The following ARHGEF4 variants were observed in gnomAD, a reference collection of about 807,000 sequenced individuals.
ARHGEF4 encodes APC-stimulated guanine nucleotide exchange factor 1.
In ARHGEF4, 119 loss-of-function variants were observed where a neutral mutation model predicts 162.0. That is an observed-to-expected ratio of 0.73 (90% CI 0.63 to 0.86). The LOEUF (loss-of-function observed/expected upper bound fraction) is 0.86. Ranked by LOEUF, ARHGEF4 falls within the 40% of genes least tolerant of loss-of-function variation. The pLI, the probability that ARHGEF4 is intolerant of heterozygous loss-of-function variation, is 0.00. For missense variants in ARHGEF4, 2,488 were observed against 2,456.0 expected, an observed-to-expected ratio of 1.01 and a Z score of -0.28; for synonymous variants, 1,014 against 979.9, an observed-to-expected ratio of 1.03 and a Z score of -0.65.
Position 131,006,595 on chromosome 2 carries a change from A to G in ARHGEF4, c.3986-21350A>G, listed in dbSNP as rs572793606. On this transcript the variant is annotated intron_variant, in intron 4 of 13. Transcript: ENST00000409359. The stretch of plus-strand genomic sequence containing the variant: ...GGGAGCTAATTTGCATTTTAATGCT[A>G]GATTCTCACCATTTTCCCAAACAGG... Among the ~76,000 whole-genome samples, 5 of 152,336 alleles carry G rather than the reference A, an allele frequency of 3.3e-5. No individual in the cohort carries two copies. The East Asian group carries it at 7.7e-4, about 23-fold the overall frequency.
At position 131,043,731 on chromosome 2, in the gene ARHGEF4, T is replaced by C; in HGVS notation, c.5157+148T>C. 2.4e-6 allele frequency: 2 copies of C among 845,240 alleles called. 1 individual carries two copies. The highest frequency in any genetic ancestry group is 3.2e-6 in the Non-Finnish European group (2 of 621,978). 52.4% of individuals were successfully genotyped at this position (845,240 alleles called of 1,614,324 possible). A position where few individuals can be genotyped will look rare whatever the true frequency, so the allele number is the denominator to read the frequency against. On this transcript the variant is annotated intron_variant, in intron 11 of 13. Transcript: ENST00000409359. ...ACCCTTGGGGCTGGGATGGGGTGGC[T>C]CTCTGCAGGTGAGCCTGGTGGCCCA...
intron 1 of ARHGEF4, among the ~76,000 whole-genome samples, chr2:130,876,789 A>G (rs1391553774): frequency 6.6e-6 from 1 of 152,178 alleles, no homozygotes; most frequent in Non-Finnish European, 1.5e-5. Flanking sequence ...AGCTAACTAG[A>G]GGGGAAGGTG....
intron 2 of ARHGEF4, among the ~76,000 whole-genome samples, chr2:130,920,099 TTC>T (rs1176516801): frequency 6.6e-6 from 1 of 151,916 alleles, no homozygotes; most frequent in Non-Finnish European, 1.5e-5. Context: ...GTGTGTGTCT[TTC>T]TGTTTGTTTT....
At position 131,027,178 on chromosome 2, in the gene ARHGEF4, A is replaced by G. The variant is rs74978985; in HGVS notation, c.3986-767A>G. ...ACCCTGCTCCAGCAGTACAGCCAAC[A>G]CACAAAATGTGAAAGACTCGTACAA... On this transcript the variant is annotated intron_variant, in intron 4 of 13. Coordinates refer to ENST00000409359, the MANE Select transcript of ARHGEF4 (RefSeq NM_001367493.1). Among the ~76,000 whole-genome samples, 31 of 152,310 alleles carry G rather than the reference A, an allele frequency of 2.0e-4. No individual in the cohort carries two copies. The East Asian group carries it at 5.8e-3, about 28-fold the overall frequency.
chr2:130,972,742 T>C (rs569354748), intron 4 of ARHGEF4, among the ~76,000 whole-genome samples: 1 of 152,324 alleles, frequency 6.6e-6, no homozygotes. Context: ...TTACTGATAA[T>C]TTTCAAAAGT....
intron 1 of ARHGEF4, among the ~76,000 whole-genome samples, chr2:130,849,435 A>C (rs1346662400): frequency 6.6e-6 from 1 of 152,114 alleles, no homozygotes; most frequent in Non-Finnish European, 1.5e-5. Flanking sequence ...GTGGGATGGC[A>C]GCCATTTTGC....
chr2:130,841,176 T>A (rs189722646), intron 1 of ARHGEF4, among the ~76,000 whole-genome samples: 14 of 152,202 alleles, frequency 9.2e-5, no homozygotes, highest in Admixed American at 6.5e-4. Flanking sequence ...GCAGTTCTCC[T>A]ACCTCAGCCT....
At chr2:130,838,368 G>C (rs1000484150) in intron 1 of ARHGEF4, among the ~76,000 whole-genome samples, 3 of 151,758 alleles carry the variant, frequency 2.0e-5, no homozygotes, top group African/African-American at 7.3e-5. Context: ...TTGGGAGGCC[G>C]AGTGGGGGGG....
intron 1 of ARHGEF4, among the ~76,000 whole-genome samples, chr2:130,839,180 G>A (rs1017940440): frequency 1.2e-4 from 18 of 152,108 alleles, no homozygotes; most frequent in Admixed American, 9.8e-4. Context: ...CACCGACAAC[G>A]TAGTTCATAC....
intron 1 of ARHGEF4, among the ~76,000 whole-genome samples, chr2:130,885,532 A>G (rs1292492243): frequency 1.4e-5 from 2 of 143,592 alleles, no homozygotes; most frequent in South Asian, 2.2e-4. Context: ...GTGAGGGCAT[A>G]TTCAAACCAT....
At chr2:130,850,102 G>A (rs893105410) in intron 1 of ARHGEF4, among the ~76,000 whole-genome samples, 4 of 152,130 alleles carry the variant, frequency 2.6e-5, no homozygotes, top group Admixed American at 2.6e-4. Context: ...CTACTGCTGG[G>A]TCAACCTCCT....
chr2:130,935,591 A>G (rs1471906768), intron 3 of ARHGEF4, among the ~76,000 whole-genome samples: 1 of 152,198 alleles, frequency 6.6e-6, no homozygotes, highest in African/African-American at 2.4e-5. Flanking sequence ...TTCATCTCAC[A>G]GTATTTTCTA....
Position 130,919,646 on chromosome 2 carries a change from C to T in ARHGEF4, c.3552+2148C>T, listed in dbSNP as rs191081145. 4.6e-5 allele frequency among the ~76,000 whole-genome samples: 7 copies of T among 152,210 alleles called. No homozygotes were observed. The East Asian group carries it at 5.8e-4, about 13-fold the overall frequency. ...ATCCCAGCACTTTGGGAGGCCGAAGCGGGCGGATCACCTGAGGTCAGAAGT... is the reference window on the plus strand; with the variant it reads ...ATCCCAGCACTTTGGGAGGCCGAAGTGGGCGGATCACCTGAGGTCAGAAGT... On this transcript the variant is annotated intron_variant, in intron 2 of 13. Coordinates refer to ENST00000409359, the MANE Select transcript of ARHGEF4 (RefSeq NM_001367493.1).
At chr2:130,933,407 G>A (rs1682757737) in intron 3 of ARHGEF4, among the ~76,000 whole-genome samples, 1 of 152,020 alleles carries the variant, frequency 6.6e-6, no homozygotes, top group Non-Finnish European at 1.5e-5. Context: ...TTGGCTTTTT[G>A]TTGGACCTTG....
chr2:130,919,064 C>T (rs959172754), intron 2 of ARHGEF4, among the ~76,000 whole-genome samples: 2 of 152,182 alleles, frequency 1.3e-5, no homozygotes, highest in African/African-American at 4.8e-5. Flanking sequence ...ATACACATTG[C>T]TCTGCATCTT....
intron 11 of ARHGEF4, among the ~76,000 whole-genome samples, chr2:131,044,049 C>T (rs1275118950): frequency 6.6e-6 from 1 of 152,144 alleles, no homozygotes; most frequent in Non-Finnish European, 1.5e-5. Flanking sequence ...TTAGTCTCCC[C>T]ACCTCAAAGA....
chr2:130,848,194 G>A (rs1681132393), intron 1 of ARHGEF4, among the ~76,000 whole-genome samples: 1 of 152,190 alleles, frequency 6.6e-6, no homozygotes, highest in Non-Finnish European at 1.5e-5. Context: ...CAGAGGGGCT[G>A]CAGCAGGCCT....
intron 5 of ARHGEF4, chr2:131,035,821 C>T: frequency 1.0e-6 from 1 of 985,384 alleles, no homozygotes; most frequent in Non-Finnish European, 1.2e-6. Flanking sequence ...ACAGCTGCCC[C>T]CACCCTGCAC....
In ARHGEF4 at chr2:131,041,210, C is replaced by G. The variant is rs1252016063; in HGVS notation, c.4663-20C>G. The stretch of plus-strand genomic sequence containing the variant: ...TGGGAGCAGCAGAGAGCTCTGCTAA[C>G]CTCCAGCTGTGCCCCTTAGCAAGCC... On this transcript the variant is annotated intron_variant, in intron 8 of 13. Transcript: ENST00000409359. 1.2e-6 allele frequency: 2 copies of G among 1,604,636 alleles called. No individual in the cohort carries two copies. The highest frequency in any genetic ancestry group is 1.7e-6 in the Non-Finnish European group (2 of 1,174,102).
Sources: allele counts gnomAD v4.1 joint callset (sites outside exome capture counted in the v4.1 genomes callset), GRCh38; gene constraint gnomAD v4.1.1; transcripts MANE v1.5; gene names NCBI Gene and HGNC (gene_info 2026-07-23, HGNC 2026-07-21).